The following CGNL1 variants were observed in gnomAD, a reference collection of about 807,000 sequenced individuals.
CGNL1 encodes the protein cingulin-like protein 1.
In CGNL1, 132 loss-of-function variants were observed where a neutral mutation model predicts 141.2. The observed-to-expected ratio is 0.93, with a 90% CI of 0.81 to 1.08. The LOEUF (loss-of-function observed/expected upper bound fraction) is 1.08. Ranked by LOEUF, CGNL1 falls within the 50% of genes least tolerant of loss-of-function variation. The probability of loss-of-function intolerance (pLI) is 0.00; values close to 1 mark genes in which losing one functional copy is unlikely to be tolerated. For missense variants in CGNL1, 1,870 were observed against 1,588.6 expected (o/e 1.18, Z -3.01); for synonymous variants, 690 against 622.1 (o/e 1.11, Z -1.63).
intron 1 of CGNL1, among the ~76,000 whole-genome samples, chr15:57,392,344 G>A (rs2062553060): frequency 6.6e-6 from 1 of 152,118 alleles, no homozygotes; most frequent in Admixed American, 6.5e-5. Flanking sequence ...GAGGGAGGTT[G>A]GGGAAGGGGA....
At position 57,502,928 on chromosome 15, in the gene CGNL1, C is replaced by T. The variant is rs1434404924; in HGVS notation, c.2404-13852C>T. ...CTGCCCTGGGACCAAGACACCCACT[C>T]CTGCTCAGCCTCCAGTGTTCCTTCT... On this transcript the variant is annotated intron_variant, in intron 8 of 18. Transcript: ENST00000281282. 3.3e-5 allele frequency among the ~76,000 whole-genome samples: 5 copies of T among 152,304 alleles called. No homozygotes were observed. In the East Asian group the frequency reaches 9.7e-4, roughly 29 times the overall value.
chr15:57,528,591 C>T, intron 12 of CGNL1, 63 bp from the exon 13 acceptor site: 1 of 1,558,566 alleles, frequency 6.4e-7, no homozygotes, highest in Non-Finnish European at 8.8e-7. Flanking sequence ...TGTGCACTGT[C>T]TGTGGAGGTC....
chr15:57,431,648 T>TG (rs1468646657), intron 1 of CGNL1, among the ~76,000 whole-genome samples: 1 of 152,218 alleles, frequency 6.6e-6, no homozygotes, highest in African/African-American at 2.4e-5. Flanking sequence ...CTGCGGCCCG[T>TG]GGGCTGCCTG....
chr15:57,415,377 A>C (rs1480708735), intron 1 of CGNL1, among the ~76,000 whole-genome samples: 14 of 152,204 alleles, frequency 9.2e-5, no homozygotes, highest in Non-Finnish European at 1.9e-4. Context: ...TTGGAATCCA[A>C]GAAGGAGATG....
chr15:57,547,323 G>A, intron 18 of CGNL1, 32 bp from the exon 19 acceptor site: 1 of 1,612,130 alleles, frequency 6.2e-7, no homozygotes, highest in Non-Finnish European at 8.5e-7. Flanking sequence ...CCGGCCCAGG[G>A]CCAGGAAACA....
At chr15:57,402,704 G>C (rs1261702992) in intron 1 of CGNL1, 1 of 152,270 alleles carries the variant, frequency 6.6e-6, no homozygotes, top group African/African-American at 2.4e-5. Context: ...CTTGCATATA[G>C]TAGGTGCTTG....
At chr15:57,437,234 G>T (rs1236734273) in intron 1 of CGNL1, among the ~76,000 whole-genome samples, 1 of 152,114 alleles carries the variant, frequency 6.6e-6, no homozygotes, top group Non-Finnish European at 1.5e-5. Flanking sequence ...AGAGCCCTGA[G>T]TGTTCTTCAT....
intron 7 of CGNL1, 54 bp downstream of exon 7, chr15:57,453,872 A>AC: frequency 6.2e-7 from 1 of 1,604,318 alleles, no homozygotes; most frequent in Non-Finnish European, 8.5e-7. Context: ...GCCTGGAAAG[A>AC]TGGAGTGGCT....
chr15:57,524,153 TACTA>T (rs1294994724), intron 11 of CGNL1, among the ~76,000 whole-genome samples: 19 of 152,368 alleles, frequency 1.2e-4, no homozygotes, highest in African/African-American at 3.8e-4. Flanking sequence ...CCAGGCACTT[TACTA>T]ACTATTTTGT....
rs574783726 is a variant in CGNL1, at chr15:57,543,898, G to C, written c.3375+119G>C. The C allele has an allele frequency of 4.8e-4, 331 of 684,830 alleles. No homozygotes were observed. In the African/African-American group the frequency reaches 5.5e-3, roughly 11 times the overall value. The allele number at this position is 684,830 out of a possible 1,614,324, so 42.4% of individuals were successfully genotyped here. Reference sequence around the variant, plus strand: ...CTTTACTTGGCATCCCAAGAACTCTGGGGGGTAACAGTCCTTTTCCAGAGT... The same window carrying C: ...CTTTACTTGGCATCCCAAGAACTCTCGGGGGTAACAGTCCTTTTCCAGAGT... On this transcript the variant is annotated intron_variant, in intron 15 of 18. Coordinates refer to ENST00000281282, the MANE Select transcript of CGNL1 (RefSeq NM_032866.5).
chr15:57,538,496 T>G (rs55924857), intron 14 of CGNL1, among the ~76,000 whole-genome samples: 1 of 152,134 alleles, frequency 6.6e-6, no homozygotes, highest in African/African-American at 2.4e-5. Context: ...AGAGTCACCA[T>G]TATCCTGGGG....
chr15:57,410,568 G>T (rs955219600), intron 1 of CGNL1, among the ~76,000 whole-genome samples: 3 of 152,188 alleles, frequency 2.0e-5, no homozygotes, highest in Non-Finnish European at 2.9e-5. Flanking sequence ...CATTTTGGCT[G>T]TGTCTGTGTG....
At chr15:57,492,490 A>G (rs2063879434) in intron 8 of CGNL1, among the ~76,000 whole-genome samples, 1 of 152,210 alleles carries the variant, frequency 6.6e-6, no homozygotes, top group Non-Finnish European at 1.5e-5. Context: ...ATACTTACAA[A>G]AGCACATAGA....
intron 16 of CGNL1, 98 bp from the exon 17 acceptor site, chr15:57,545,494 G>A (rs1238556290): frequency 1.2e-4 from 121 of 1,027,292 alleles, no homozygotes; most frequent in Non-Finnish European, 1.6e-4. Context: ...AGCTGACCAG[G>A]CACCCCTGGC....
At position 57,431,945 on chromosome 15, in the gene CGNL1, G is replaced by A. The variant is rs541919263; in HGVS notation, c.-15-6040G>A. 3.3e-5 allele frequency among the ~76,000 whole-genome samples: 5 copies of A among 152,228 alleles called. No homozygotes were observed. The East Asian group carries it at 9.6e-4, about 29-fold the overall frequency. ...TCCCACTCAGGGGAAATTACTTTTT[G>A]GTTGGTGGGTCAATTCTTATTTCCT... On this transcript the variant is annotated intron_variant, in intron 1 of 18. Transcript: ENST00000281282.
intron 14 of CGNL1, among the ~76,000 whole-genome samples, chr15:57,536,998 T>C (rs2032295730): frequency 6.6e-6 from 1 of 152,232 alleles, no homozygotes; most frequent in Admixed American, 6.5e-5. Flanking sequence ...CCTGATTCTT[T>C]ATGAGTGCAG....
At chr15:57,525,168 T>A (rs981834799) in intron 12 of CGNL1, among the ~76,000 whole-genome samples, 2 of 152,218 alleles carry the variant, frequency 1.3e-5, no homozygotes, top group Non-Finnish European at 2.9e-5. Context: ...TTTATTGGCA[T>A]GAGGGTGGCG....
At position 57,521,672 on chromosome 15, in the gene CGNL1, G is replaced by A. The variant is rs140049674; in HGVS notation, c.2716-1817G>A. ...TGTTGGCAGGCCCTAGGCCCAGAGT[G>A]GTGAGTCTGTGGTGTCTTTTGTGGT... On this transcript the variant is annotated intron_variant, in intron 10 of 18. Transcript: ENST00000281282. 4.9e-3 allele frequency among the ~76,000 whole-genome samples: 741 copies of A among 152,280 alleles called. 4 individuals carry two copies. The highest frequency in any genetic ancestry group is 0.017 in the African/African-American group (702 of 41,550).
At chr15:57,521,189 G>C (rs2031231900) in intron 10 of CGNL1, among the ~76,000 whole-genome samples, 1 of 152,120 alleles carries the variant, frequency 6.6e-6, no homozygotes. Flanking sequence ...TTTTTCATGT[G>C]AATTTGGGAC....
Sources: gnomAD v4.1 joint callset for allele counts (sites outside exome capture counted in the v4.1 genomes callset) on GRCh38, gnomAD v4.1.1 for gene constraint, MANE v1.5 for transcripts, NCBI Gene and HGNC (gene_info 2026-07-23, HGNC 2026-07-21) for gene names.